CDH20: variants seen among roughly 807,000 people sequenced by gnomAD.
CDH20 encodes cadherin 20.
A neutral mutation model predicts 74.2 loss-of-function variants in CDH20; 29 were observed. The observed-to-expected ratio is 0.39, with a 90% CI of 0.29 to 0.53. The LOEUF is 0.53. Ranked by LOEUF, CDH20 falls within the 20% of genes least tolerant of loss-of-function variation. The pLI, the probability that CDH20 is intolerant of heterozygous loss-of-function variation, is 0.69. For synonymous variants in CDH20, 469 were observed against 405.4 expected (o/e 1.16, Z -1.88); for missense variants, 988 against 1,048.3 (o/e 0.94, Z 0.79).
intron 6 of CDH20, among the ~76,000 whole-genome samples, chr18:61,517,977 C>A (rs1415516201): frequency 6.6e-6 from 1 of 152,008 alleles, no homozygotes; most frequent in African/African-American, 2.4e-5. Context: ...GGCAGTTTTC[C>A]CCTAACAGTG....
intron 6 of CDH20, among the ~76,000 whole-genome samples, chr18:61,522,518 C>T (rs1226368479): frequency 1.3e-5 from 2 of 152,146 alleles, no homozygotes; most frequent in Admixed American, 6.5e-5. Context: ...TCAATGCTAT[C>T]CTCATTAAGC....
intron 1 of CDH20, among the ~76,000 whole-genome samples, chr18:61,354,097 A>G (rs183792963): frequency 4.7e-4 from 71 of 152,152 alleles, no homozygotes; most frequent in African/African-American, 1.6e-3. Flanking sequence ...CAGTTTCTCC[A>G]TCTCATGAGC....
At chr18:61,349,774 AAG>A (rs553405303) in intron 1 of CDH20, among the ~76,000 whole-genome samples, 154 of 152,198 alleles carry the variant, frequency 1.0e-3, no homozygotes, top group African/African-American at 3.5e-3. Context: ...AAAAAAAAAA[AAG>A]AGAGAAGGGC....
intron 1 of CDH20, among the ~76,000 whole-genome samples, chr18:61,445,306 C>CAA (rs543705965): frequency 6.6e-6 from 1 of 151,726 alleles, no homozygotes; most frequent in Non-Finnish European, 1.5e-5. Context: ...TCCATTTACA[C>CAA]AAAAAAAATC....
At chr18:61,335,367 T>C (rs1828077406) in intron 1 of CDH20, among the ~76,000 whole-genome samples, 1 of 152,162 alleles carries the variant, frequency 6.6e-6, no homozygotes, top group South Asian at 2.1e-4. Flanking sequence ...GGTGCAGGCT[T>C]GGGCAGCTGA....
chr18:61,430,776 TG>T lies in CDH20; in HGVS notation c.-152-59625del, dbSNP rs1018539269. Among the ~76,000 whole-genome samples, 193 of 152,330 alleles carry T rather than the reference TG, an allele frequency of 1.3e-3. 1 individual carries two copies. Among genetic ancestry groups the T allele is most frequent in the African/African-American group, 4.4e-3 (182 of 41,582 alleles). ...TTCCAGATTGGCTCTTTTGACCCTTTGACATGCCATCATTTGTTTTTCAAGC... is the reference window on the plus strand; with the variant it reads ...TTCCAGATTGGCTCTTTTGACCCTTTACATGCCATCATTTGTTTTTCAAGC... On this transcript the variant is annotated intron_variant, in intron 1 of 11. Transcript: ENST00000262717.
intron 11 of CDH20, among the ~76,000 whole-genome samples, chr18:61,550,933 A>T (rs1017612999): frequency 1.4e-4 from 22 of 152,178 alleles, no homozygotes; most frequent in Non-Finnish European, 1.9e-4. Context: ...TCTGGAGAAT[A>T]AGCTGTTTGG....
At chr18:61,413,374 G>A (rs1181830553) in intron 1 of CDH20, among the ~76,000 whole-genome samples, 1 of 152,054 alleles carries the variant, frequency 6.6e-6, no homozygotes, top group South Asian at 2.1e-4. Context: ...TTTAACCAAA[G>A]GATCAATAGA....
intron 1 of CDH20, among the ~76,000 whole-genome samples, chr18:61,412,846 A>T (rs998727813): frequency 1.3e-5 from 2 of 152,204 alleles, no homozygotes; most frequent in East Asian, 3.8e-4. Context: ...TATTTGCAAC[A>T]TACATACTCC....
At chr18:61,509,607 C>G (rs1568170051) in intron 6 of CDH20, among the ~76,000 whole-genome samples, 1 of 152,084 alleles carries the variant, frequency 6.6e-6, no homozygotes, top group Non-Finnish European at 1.5e-5. Context: ...ACTATAAGGA[C>G]TTTGGTTTTT....
At chr18:61,541,170 A>G (rs1380338338) in intron 9 of CDH20, among the ~76,000 whole-genome samples, 1 of 152,208 alleles carries the variant, frequency 6.6e-6, no homozygotes, top group Non-Finnish European at 1.5e-5. Flanking sequence ...TATGACTGCA[A>G]GTGAACAATG....
Position 61,539,050 on chromosome 18 carries a change from C to A in CDH20, c.1435C>A (p.Pro479Thr). The change falls in exon 9 of 12, where the codon CCT becomes ACT. Residue 479 changes from proline to threonine, a missense_variant. Physicochemically the swap from Pro to Thr is conservative, Grantham distance 38. Coordinates refer to ENST00000262717, the MANE Select transcript of CDH20 (RefSeq NM_031891.4). ...CAATCCCTCCCAGGTTGGAAGTGTT[C>A]CTGTCACAATCAAAGTCTTAGATGT... The part of the protein sequence containing the change: ...MNNPSQVGSV[P>T]VTIKVLDVND... 1.2e-6 allele frequency: 2 copies of A among 1,613,918 alleles called. No individual in the cohort carries two copies. The highest frequency in any genetic ancestry group is 1.7e-6 in the Non-Finnish European group (2 of 1,179,910).
intron 1 of CDH20, among the ~76,000 whole-genome samples, chr18:61,403,037 C>A (rs1055311192): frequency 5.9e-5 from 9 of 152,146 alleles, no homozygotes; most frequent in African/African-American, 2.2e-4. Context: ...ATTTTAACAA[C>A]CATTTTTATG....
intron 1 of CDH20, among the ~76,000 whole-genome samples, chr18:61,466,894 T>G (rs1178517552): frequency 6.6e-6 from 1 of 152,194 alleles, no homozygotes; most frequent in Non-Finnish European, 1.5e-5. Context: ...CCACTTCCTC[T>G]GCTCTGCTTC....
chr18:61,477,101 T>C (rs1194622968), intron 1 of CDH20, among the ~76,000 whole-genome samples: 1 of 152,118 alleles, frequency 6.6e-6, no homozygotes, highest in East Asian at 1.9e-4. Context: ...ATGAGGACAT[T>C]GAGCCGATCC....
In CDH20 at chr18:61,490,544, T is replaced by G. The variant is rs1409249841; in HGVS notation, c.-10T>G. The G allele has an allele frequency of 1.2e-6, 2 of 1,609,760 alleles. No individual in the cohort carries two copies. Among genetic ancestry groups the G allele is most frequent in the Admixed American group, 1.7e-5 (1 of 59,940 alleles). ...CATTCTCCTTCATTTTCTGAAAACCTGGCAATCCCATGTGGACTTCTGGTA... is the reference window on the plus strand; with the variant it reads ...CATTCTCCTTCATTTTCTGAAAACCGGGCAATCCCATGTGGACTTCTGGTA... On this transcript the variant is annotated 5_prime_UTR_variant, in exon 2 of 12. Coordinates refer to ENST00000262717, the MANE Select transcript of CDH20 (RefSeq NM_031891.4).
At chr18:61,387,078 A>G (rs143666342) in intron 1 of CDH20, among the ~76,000 whole-genome samples, 7 of 152,302 alleles carry the variant, frequency 4.6e-5, no homozygotes, top group African/African-American at 1.7e-4. Flanking sequence ...TACTATCTCA[A>G]TTTTTGTCAG....
In CDH20 at chr18:61,536,793, T is replaced by C. The variant is rs1912832738; in HGVS notation, c.1408+164T>C. Among the ~76,000 whole-genome samples, 3 of 152,220 alleles carry C rather than the reference T, an allele frequency of 2.0e-5. No individual in the cohort carries two copies. The South Asian group carries it at 6.2e-4, about 31-fold the overall frequency. ...AAATGCGTTCAGTTCAAATACTTTT[T>C]TGAGGCTCGCTTGTATACTTAGTCC... On this transcript the variant is annotated intron_variant, in intron 8 of 11. Coordinates refer to ENST00000262717, the MANE Select transcript of CDH20 (RefSeq NM_031891.4).
intron 7 of CDH20, among the ~76,000 whole-genome samples, chr18:61,531,547 A>C (rs1288216558): frequency 3.3e-5 from 5 of 152,240 alleles, no homozygotes; most frequent in Admixed American, 6.5e-5. Flanking sequence ...ATAACAATTT[A>C]TGCTTAAAAA....
Sources: allele counts gnomAD v4.1 joint callset (sites outside exome capture counted in the v4.1 genomes callset), GRCh38; gene constraint gnomAD v4.1.1; transcripts MANE v1.5; gene names NCBI Gene and HGNC (gene_info 2026-07-23, HGNC 2026-07-21).